XPNPEP3: variants seen among roughly 807,000 people sequenced by gnomAD.
XPNPEP3 encodes xaa-Pro aminopeptidase 3.
Under a neutral mutation model 60.0 loss-of-function variants are expected in XPNPEP3, and 41 were observed. The ratio of observed to expected loss-of-function variants is 0.68; its 90% confidence interval spans 0.53 to 0.89. The LOEUF is 0.89. Among genes scored for constraint, XPNPEP3 ranks in the 40% least tolerant of loss-of-function variants. The pLI is 0.00. For missense variants in XPNPEP3, 598 were observed against 638.9 expected (o/e 0.94, Z 0.69); for synonymous variants, 212 against 223.2 (o/e 0.95, Z 0.45).
At chr22:40,899,868 T>TATCTAA (rs1040542823) in intron 4 of XPNPEP3, among the ~76,000 whole-genome samples, 4 of 150,814 alleles carry the variant, frequency 2.7e-5, no homozygotes, top group Non-Finnish European at 4.4e-5. Context: ...CTTCACACCT[T>TATCTAA]ATCTAAAAAT....
intron 1 of XPNPEP3, among the ~76,000 whole-genome samples, chr22:40,865,029 TATA>T (rs1425036719): frequency 6.6e-6 from 1 of 152,246 alleles, no homozygotes; most frequent in Non-Finnish European, 1.5e-5. Flanking sequence ...AGTGTAAAGT[TATA>T]ATACGAGCAC....
At chr22:40,911,299 G>A (rs995314515) in intron 6 of XPNPEP3, among the ~76,000 whole-genome samples, 2 of 151,990 alleles carry the variant, frequency 1.3e-5, no homozygotes, top group African/African-American at 4.8e-5. Flanking sequence ...CTGTGTTCAC[G>A]AGTGAGTTTG....
chr22:40,922,610 A>C (rs1433528943), intron 8 of XPNPEP3, 97 bp downstream of exon 8: 1 of 1,429,098 alleles, frequency 7.0e-7, no homozygotes, highest in Non-Finnish European at 9.7e-7. Context: ...AATGGGACAG[A>C]TGTAGTGATT....
Position 40,881,859 on chromosome 22 carries a change from A to G in XPNPEP3, c.271A>G (p.Ser91Gly), listed in dbSNP as rs761097517. ...GATCCAGAAGGAAGCTCAAGGGCAG[A>G]GTGGGACAGACCAGACAGTGGTTGT... ...SLIQKEAQGQ[S>G]GTDQTVVVLS... The change falls in exon 3 of 10, where the codon AGT becomes GGT. Residue 91 changes from serine (S) to glycine (G), a missense_variant. By Grantham distance (56) the Ser-to-Gly change is moderately conservative. Transcript: ENST00000357137. 2.5e-6 allele frequency: 4 copies of G among 1,614,090 alleles called. No homozygotes were observed. The East Asian group carries it at 8.9e-5, about 36-fold the overall frequency.
rs1480404257 is a variant in XPNPEP3, at chr22:40,875,120, A to T, written c.181+6005A>T. 2.0e-5 allele frequency among the ~76,000 whole-genome samples: 3 copies of T among 152,180 alleles called. No homozygotes were observed. The East Asian group carries it at 5.8e-4, about 29-fold the overall frequency. The stretch of plus-strand genomic sequence containing the variant: ...CTTCACCATGAAGCCCACCTGTTTT[A>T]TAAAGTAATATATTTTATTTTCTCA... On this transcript the variant is annotated intron_variant, in intron 2 of 9. Coordinates refer to ENST00000357137, the MANE Select transcript of XPNPEP3 (RefSeq NM_022098.4).
intron 6 of XPNPEP3, among the ~76,000 whole-genome samples, chr22:40,912,049 G>A (rs138973704): frequency 3.9e-5 from 6 of 152,170 alleles, no homozygotes; most frequent in African/African-American, 1.4e-4. Context: ...AATGCAAACA[G>A]TGCCAATTTT....
intron 7 of XPNPEP3, among the ~76,000 whole-genome samples, chr22:40,918,653 C>T (rs746209541): frequency 6.6e-6 from 1 of 151,778 alleles, no homozygotes; most frequent in Non-Finnish European, 1.5e-5. Context: ...CACTGTACTC[C>T]AGCCTGGGCA....
chr22:40,914,956 C>T (rs1010652654), intron 7 of XPNPEP3, among the ~76,000 whole-genome samples: 5 of 150,874 alleles, frequency 3.3e-5, no homozygotes, highest in Non-Finnish European at 5.9e-5. Context: ...AACCTTCTTA[C>T]AAGGTCAGCA....
At chr22:40,908,216 C>CAA (rs746198782) in intron 5 of XPNPEP3, among the ~76,000 whole-genome samples, 1 of 127,346 alleles carries the variant, frequency 7.9e-6, no homozygotes. Flanking sequence ...AAGACTGTTT[C>CAA]AAAAAAAAAA....
chr22:40,874,636 G>A (rs1312768694), intron 2 of XPNPEP3, among the ~76,000 whole-genome samples: 1 of 152,064 alleles, frequency 6.6e-6, no homozygotes, highest in Non-Finnish European at 1.5e-5. Context: ...ATGTTGCCCA[G>A]GCTGGTCTTG....
At chr22:40,874,293 T>A (rs1284023878) in intron 2 of XPNPEP3, among the ~76,000 whole-genome samples, 1 of 152,084 alleles carries the variant, frequency 6.6e-6, no homozygotes, top group Non-Finnish European at 1.5e-5. Context: ...AATCAAGAAA[T>A]AACAGAAATT....
At chr22:40,899,664 C>G (rs1225640182) in intron 4 of XPNPEP3, among the ~76,000 whole-genome samples, 1 of 151,726 alleles carries the variant, frequency 6.6e-6, no homozygotes, top group Non-Finnish European at 1.5e-5. Flanking sequence ...ACTAAAAATA[C>G]AAAAATTAGC....
intron 2 of XPNPEP3, among the ~76,000 whole-genome samples, chr22:40,872,415 A>G (rs1045508134): frequency 9.9e-5 from 15 of 151,158 alleles, no homozygotes; most frequent in African/African-American, 3.6e-4. Flanking sequence ...AAATGATTCC[A>G]TGTAGGAAGG....
At chr22:40,901,214 A>C (rs942722799) in intron 4 of XPNPEP3, among the ~76,000 whole-genome samples, 10 of 150,978 alleles carry the variant, frequency 6.6e-5, no homozygotes, top group African/African-American at 2.4e-4. Flanking sequence ...ATAAGGTTCT[A>C]GTATCTAGAA....
intron 1 of XPNPEP3, among the ~76,000 whole-genome samples, chr22:40,864,336 C>CT (rs1332690596): frequency 6.6e-6 from 1 of 152,114 alleles, no homozygotes; most frequent in Non-Finnish European, 1.5e-5. Flanking sequence ...TGGCCAGCTC[C>CT]TTTTTTTAAG....
At chr22:40,909,379 A>G (rs1275871017) in intron 6 of XPNPEP3, 144 bp downstream of exon 6, 3 of 720,592 alleles carry the variant, frequency 4.2e-6, no homozygotes, top group Middle Eastern at 4.7e-4. Flanking sequence ...ATGGTTTTAC[A>G]GACATTATCT....
intron 4 of XPNPEP3, among the ~76,000 whole-genome samples, chr22:40,904,732 TTGTG>T: frequency 6.6e-6 from 1 of 152,280 alleles, no homozygotes; most frequent in East Asian, 1.9e-4. Context: ...ACATTTGTGA[TTGTG>T]TGTGCAAGTG....
At chr22:40,910,842 A>G (rs1056099358) in intron 6 of XPNPEP3, among the ~76,000 whole-genome samples, 7 of 152,046 alleles carry the variant, frequency 4.6e-5, no homozygotes, top group African/African-American at 1.7e-4. Context: ...CGTCTCTACT[A>G]AAAATACAAA....
intron 7 of XPNPEP3, among the ~76,000 whole-genome samples, chr22:40,915,744 G>A (rs2058193884): frequency 6.6e-6 from 1 of 152,136 alleles, no homozygotes; most frequent in South Asian, 2.1e-4. Context: ...AGAAGGGCTT[G>A]TGGAAACTCT....
Sources: allele counts gnomAD v4.1 joint callset (sites outside exome capture counted in the v4.1 genomes callset), GRCh38; gene constraint gnomAD v4.1.1; transcripts MANE v1.5; gene names NCBI Gene and HGNC (gene_info 2026-07-23, HGNC 2026-07-21).